The following PAK4 variants were observed in gnomAD, a reference collection of about 807,000 sequenced individuals.
The protein encoded by PAK4 is serine/threonine-protein kinase PAK 4.
PAK4 carries 49 observed loss-of-function variants against 53.5 expected under a neutral mutation model. That is an observed-to-expected ratio of 0.92 (90% confidence interval 0.73 to 1.16). The LOEUF (loss-of-function observed/expected upper bound fraction) is 1.16, where lower values mean the gene tolerates loss of function less well. Ranked by LOEUF, PAK4 falls within the 50% of genes most tolerant of loss-of-function variation. The pLI, the probability that PAK4 is intolerant of heterozygous loss-of-function variation, is 0.00. For missense variants in PAK4, 824 were observed against 850.7 expected, an observed-to-expected ratio of 0.97 and a Z score of 0.39; for synonymous variants, 376 against 375.6, an observed-to-expected ratio of 1.00 and a Z score of -0.01.
chr19:39,127,405 A>G (rs2073607610), intron 1 of PAK4, among the ~76,000 whole-genome samples: 2 of 151,818 alleles, frequency 1.3e-5, no homozygotes, highest in Non-Finnish European at 2.9e-5. Context: ...GCTCACTCTC[A>G]GCTGGCCCGG....
chr19:39,166,509 C>T (rs1232961665), intron 1 of PAK4, among the ~76,000 whole-genome samples: 1 of 152,222 alleles, frequency 6.6e-6, no homozygotes, highest in Non-Finnish European at 1.5e-5. Flanking sequence ...GAGGAGGAAA[C>T]TGAGGCACAG....
At chr19:39,148,466 C>CTTGTTTTTTTTTT (rs2074039693) in intron 1 of PAK4, among the ~76,000 whole-genome samples, 2 of 56,786 alleles carry the variant, frequency 3.5e-5, no homozygotes, top group Non-Finnish European at 5.8e-5. Flanking sequence ...GTTTCTTCTG[C>CTTGTTTTTTTTTT]TTTTTTTTTT....
At chr19:39,165,614 G>A (rs1476314925) in intron 1 of PAK4, among the ~76,000 whole-genome samples, 1 of 152,180 alleles carries the variant, frequency 6.6e-6, no homozygotes, top group African/African-American at 2.4e-5. Flanking sequence ...GGACAGGCAG[G>A]TAAGAGCCCA....
intron 1 of PAK4, among the ~76,000 whole-genome samples, chr19:39,163,317 C>T (rs148877788): frequency 6.3e-4 from 96 of 152,302 alleles, no homozygotes; most frequent in African/African-American, 2.0e-3. Flanking sequence ...CTCCCCTGCT[C>T]TGCCCCTGGG....
chr19:39,170,069 G>A lies in PAK4; in HGVS notation c.204+312G>A, dbSNP rs760689208. On this transcript the variant is annotated intron_variant, in intron 2 of 8. Transcript: ENST00000358301. ...CCCGGGGGCCATGCTGCTGTACCCC[G>A]GACCACACTCCTGTCTCACCCAACC... Among the ~76,000 whole-genome samples the A allele has an allele frequency of 5.9e-5, 9 of 152,152 alleles. No homozygotes were observed. The East Asian group carries it at 1.4e-3, about 23-fold the overall frequency.
chr19:39,141,461 G>A (rs879880310), intron 1 of PAK4, among the ~76,000 whole-genome samples: 8 of 151,076 alleles, frequency 5.3e-5, no homozygotes, highest in African/African-American at 7.3e-5. Context: ...GACTACAGGC[G>A]TGTGCCATGA....
chr19:39,171,864 G>C (rs571363224), intron 2 of PAK4, among the ~76,000 whole-genome samples: 1 of 152,348 alleles, frequency 6.6e-6, no homozygotes, highest in South Asian at 2.1e-4. Flanking sequence ...TTTAGCAAAA[G>C]TTCACTGAGC....
At position 39,161,397 on chromosome 19, in the gene PAK4, G is replaced by A. The variant is rs182592521; in HGVS notation, c.-22-8135G>A. Among the ~76,000 whole-genome samples the A allele has an allele frequency of 1.6e-3, 248 of 152,286 alleles. No individual in the cohort carries two copies. Among genetic ancestry groups the A allele is most frequent in the African/African-American group, 5.4e-3 (226 of 41,556 alleles). ...GCCACATGGAGCAAGACCAGGCCAA[G>A]CCCCTGCCTATGAGCTCACGCTGCA... On this transcript the variant is annotated intron_variant, in intron 1 of 8. Coordinates refer to ENST00000358301, the Ensembl canonical transcript of PAK4. The surrounding 1 kb of genome is among the most constrained non-coding windows in gnomAD (Gnocchi z 4.5).
At position 39,148,466 on chromosome 19, in the gene PAK4, C is replaced by CTTTTTGTTTTT. The variant is rs2074039874; in HGVS notation, c.-22-21061_-22-21060insGTTTTTTTTTT. ...TTAGGTACCAAATAAGTTTCTTCTG[C>CTTTTTGTTTTT]TTTTTTTTTTTTTTTTTTTTTGAGA... On this transcript the variant is annotated intron_variant, in intron 1 of 8. Transcript: ENST00000358301. Among the ~76,000 whole-genome samples, 3 of 56,786 alleles carry CTTTTTGTTTTT rather than the reference C, an allele frequency of 5.3e-5. 1 individual carries two copies. The highest frequency in any genetic ancestry group is 8.7e-5 in the Non-Finnish European group (3 of 34,646). 37.3% of individuals were successfully genotyped at this position (56,786 alleles called of 152,430 possible).
chr19:39,176,815 A>G (rs73551781), intron 7 of PAK4, 100 bp downstream of exon 8: 48,089 of 1,399,604 alleles, frequency 0.034, 3,608 homozygotes, highest in African/African-American at 0.3. Flanking sequence ...CTGGGGAGTC[A>G]TTGCCAGGAA....
At chr19:39,150,427 T>G (rs1163438854) in intron 1 of PAK4, among the ~76,000 whole-genome samples, 3 of 152,152 alleles carry the variant, frequency 2.0e-5, no homozygotes, top group Non-Finnish European at 2.9e-5. Flanking sequence ...TCAGCGAGCA[T>G]TGCCTTTTCT....
chr19:39,154,164 T>C (rs1301715193), intron 1 of PAK4, among the ~76,000 whole-genome samples: 1 of 152,154 alleles, frequency 6.6e-6, no homozygotes, highest in Non-Finnish European at 1.5e-5. Context: ...TTCTAGTCTC[T>C]TCTCGCGTGT....
chr19:39,138,102 C>T (rs1341223611), intron 1 of PAK4, among the ~76,000 whole-genome samples: 1 of 152,090 alleles, frequency 6.6e-6, no homozygotes, highest in Non-Finnish European at 1.5e-5. Context: ...TTTCCTCAGC[C>T]TCAGTAGCTG....
chr19:39,139,344 C>T (rs1402612709), intron 1 of PAK4, among the ~76,000 whole-genome samples: 1 of 152,132 alleles, frequency 6.6e-6, no homozygotes, highest in African/African-American at 2.4e-5. Context: ...AGGGGGATGC[C>T]TGAGCTGGGC....
intron 7 of PAK4, among the ~76,000 whole-genome samples, chr19:39,177,365 C>G (rs1568532770): frequency 6.6e-6 from 1 of 152,154 alleles, no homozygotes; most frequent in Admixed American, 6.5e-5. Context: ...CACTGTGTCT[C>G]CACTGTGGTG....
At chr19:39,182,368 A>G (rs1348212064), downstream of PAK4, 1 of 152,202 alleles carries the variant, frequency 6.6e-6, no homozygotes, top group Non-Finnish European at 1.5e-5. Flanking sequence ...GTCTAACACA[A>G]ATTCTATTAC....
At chr19:39,156,839 A>T (rs1029112678) in intron 1 of PAK4, 2 of 152,066 alleles carry the variant, frequency 1.3e-5, no homozygotes, top group African/African-American at 4.8e-5. Context: ...AGTGGGAAAG[A>T]GCGTGGTGGA....
chr19:39,171,233 A>G (rs1394719891), intron 2 of PAK4, among the ~76,000 whole-genome samples: 1 of 141,624 alleles, frequency 7.1e-6, no homozygotes, highest in African/African-American at 2.7e-5. Context: ...TTTTTGAGAG[A>G]CATTCCTGCT....
intron 1 of PAK4, among the ~76,000 whole-genome samples, chr19:39,158,197 A>G (rs554942709): frequency 1.3e-5 from 2 of 148,288 alleles, no homozygotes; most frequent in South Asian, 2.1e-4. Flanking sequence ...GTGAGCGTGC[A>G]TGTATGTGCA....
Sources: allele counts gnomAD v4.1 joint callset (sites outside exome capture counted in the v4.1 genomes callset), GRCh38; gene constraint gnomAD v4.1.1; non-coding constraint Gnocchi (gnomAD v3.1); transcripts MANE v1.5; gene names NCBI Gene and HGNC (gene_info 2026-07-23, HGNC 2026-07-21).